The following LRRN1 variants were observed in gnomAD, a reference collection of about 807,000 sequenced individuals.
LRRN1 encodes the protein leucine rich repeat neuronal 1.
LRRN1 carries 14 observed loss-of-function variants against 45.8 expected under a neutral mutation model. That is an observed-to-expected ratio of 0.31 (90% CI 0.20 to 0.48). LRRN1 has a LOEUF of 0.48. Ranked by LOEUF, LRRN1 falls within the 20% of genes least tolerant of loss-of-function variation. The probability of loss-of-function intolerance (pLI) is 0.99; values close to 1 mark genes in which losing one functional copy is unlikely to be tolerated. For synonymous variants in LRRN1, 359 were observed against 330.1 expected (o/e 1.09, Z -0.95); for missense variants, 789 against 874.2 (o/e 0.90, Z 1.23).
chr3:3,838,924 T>C (rs775827004), intron 1 of LRRN1, among the ~76,000 whole-genome samples: 29 of 152,130 alleles, frequency 1.9e-4, no homozygotes, highest in Non-Finnish European at 2.8e-4. Flanking sequence ...ATCATATATA[T>C]AATTTAAAAA....
At chr3:3,822,802 G>C (rs536466903) in intron 1 of LRRN1, 1 of 152,240 alleles carries the variant, frequency 6.6e-6, no homozygotes, top group Non-Finnish European at 1.5e-5. Context: ...GTTGGATTTT[G>C]AAGGCAGCCA....
Position 3,845,538 on chromosome 3 carries a change from G to T in LRRN1, c.897G>T (p.Glu299Asp), listed in dbSNP as rs192472391. The stretch of plus-strand genomic sequence containing the variant: ...AACTGGGAATCAACAATATGGGCGA[G>T]CTCGTTTCTGTCGACCGCTATGCCC... Reference protein sequence around the residue: ...LKELGINNMGELVSVDRYALD... With the variant: ...LKELGINNMGDLVSVDRYALD... Residue 299 changes from glutamate (E) to aspartate (D), a missense_variant, in exon 2 of 2, where the codon GAG becomes GAT. Transcript: ENST00000319331. The surrounding 1 kb of genome is among the most constrained non-coding windows in gnomAD (Gnocchi z 6.5). 1.9e-6 allele frequency: 3 copies of T among 1,614,072 alleles called. No homozygotes were observed. Among genetic ancestry groups the T allele is most frequent in the Admixed American group, 1.7e-5 (1 of 60,006 alleles).
intron 1 of LRRN1, among the ~76,000 whole-genome samples, chr3:3,837,492 G>C (rs1415275555): frequency 6.6e-6 from 1 of 152,080 alleles, no homozygotes; most frequent in Admixed American, 6.6e-5. Flanking sequence ...CAGCCTGCTG[G>C]TTGGTCCATT....
chr3:3,842,415 T>C (rs1053518175), intron 1 of LRRN1, among the ~76,000 whole-genome samples: 3 of 151,952 alleles, frequency 2.0e-5, no homozygotes, highest in African/African-American at 7.3e-5. Context: ...TTTTTTTTTA[T>C]TGTTAGACCA....
At chr3:3,825,069 G>C (rs935339825) in intron 1 of LRRN1, among the ~76,000 whole-genome samples, 2 of 152,156 alleles carry the variant, frequency 1.3e-5, no homozygotes, top group African/African-American at 4.8e-5. Context: ...CACCCTTCCC[G>C]TCTGTCCCAA....
chr3:3,846,946 T>C lies in LRRN1; in HGVS notation c.*154T>C, dbSNP rs1218419737. 5 of 617,664 alleles carry C rather than the reference T, an allele frequency of 8.1e-6. No individual in the cohort carries two copies. The highest frequency in any genetic ancestry group is 1.4e-5 in the Non-Finnish European group (5 of 358,900). The allele number at this position is 617,664 out of a possible 1,614,324, so 38.3% of individuals were successfully genotyped here. A position where few individuals can be genotyped will look rare whatever the true frequency, so the allele number is the denominator to read the frequency against. ...GTGGATATTTCAAATTTTTTTAGTA[T>C]AGCGTATCGCAAGGGTTTGACACGG... On this transcript the variant is annotated 3_prime_UTR_variant, in exon 2 of 2. Transcript: ENST00000319331. This position sits in a 1 kb window ranked among gnomAD's most constrained non-coding sequence, Gnocchi z 5.7.
chr3:3,806,832 T>C (rs1692772029), intron 1 of LRRN1, among the ~76,000 whole-genome samples: 1 of 152,226 alleles, frequency 6.6e-6, no homozygotes, highest in Non-Finnish European at 1.5e-5. Flanking sequence ...ATTGTGACTG[T>C]GGACAAGTCA....
intron 1 of LRRN1, among the ~76,000 whole-genome samples, chr3:3,840,426 C>T (rs896797487): frequency 1.3e-5 from 2 of 152,138 alleles, no homozygotes; most frequent in African/African-American, 4.8e-5. Flanking sequence ...AATGGATTTA[C>T]ATTTAAACAC....
chr3:3,813,712 C>T (rs972135576), intron 1 of LRRN1, among the ~76,000 whole-genome samples: 4 of 152,060 alleles, frequency 2.6e-5, no homozygotes, highest in Non-Finnish European at 5.9e-5. Context: ...CCAACATCAC[C>T]GAAGGAGCAA....
intron 1 of LRRN1, among the ~76,000 whole-genome samples, chr3:3,821,453 A>G (rs1005983026): frequency 1.3e-5 from 2 of 151,694 alleles, no homozygotes; most frequent in African/African-American, 4.8e-5. Context: ...TTTGACATGT[A>G]CCTTTTCTTT....
intron 1 of LRRN1, among the ~76,000 whole-genome samples, chr3:3,824,598 A>T (rs1052502218): frequency 6.6e-6 from 1 of 152,100 alleles, no homozygotes; most frequent in Non-Finnish European, 1.5e-5. Context: ...ACAACCCCCA[A>T]CCTACCTAAG....
At chr3:3,817,166 C>G (rs1693004798) in intron 1 of LRRN1, among the ~76,000 whole-genome samples, 1 of 152,160 alleles carries the variant, frequency 6.6e-6, no homozygotes, top group African/African-American at 2.4e-5. Context: ...TCTTTGGCCA[C>G]TTCCTTAAAG....
intron 1 of LRRN1, among the ~76,000 whole-genome samples, chr3:3,820,688 A>G (rs1355841933): frequency 6.6e-6 from 1 of 152,228 alleles, no homozygotes; most frequent in Non-Finnish European, 1.5e-5. Context: ...TCGCAGGTAT[A>G]GCGAGAGAAA....
At chr3:3,803,079 T>G (rs1169418509) in intron 1 of LRRN1, among the ~76,000 whole-genome samples, 1 of 152,222 alleles carries the variant, frequency 6.6e-6, no homozygotes, top group Non-Finnish European at 1.5e-5. Context: ...TAACCTCAGC[T>G]AGCTCTGGTT....
At position 3,848,515 on chromosome 3, in the gene LRRN1, A is replaced by G. The variant is rs952890672; in HGVS notation, c.*1723A>G. On this transcript the variant is annotated 3_prime_UTR_variant, in exon 2 of 2. Coordinates refer to ENST00000319331, the MANE Select transcript of LRRN1 (RefSeq NM_020873.7). ...GGCAGAAAGAAAGTCCAGGTGATGT[A>G]GGTTGAGGTATTTCTTTCTTTGGCA... Among the ~76,000 whole-genome samples the G allele has an allele frequency of 5.3e-5, 8 of 152,220 alleles. No homozygotes were observed. In the South Asian group the frequency reaches 1.4e-3, roughly 28 times the overall value.
Position 3,845,025 on chromosome 3 carries a change from A to G in LRRN1, c.384A>G (p.Glu128=), listed in dbSNP as rs1426019378. ...LTQLTTLHLE[E]NQITEMTDYC... is the part of the protein sequence containing the mutation. ...AGCTCACAACGCTGCATTTGGAGGA[A>G]AATCAGATTACCGAGATGACTGATT... The change falls in exon 2 of 2, where the codon GAA becomes GAG. Residue 128 remains glutamate, a synonymous_variant. Coordinates refer to ENST00000319331, the MANE Select transcript of LRRN1 (RefSeq NM_020873.7). This position sits in a 1 kb window ranked among gnomAD's most constrained non-coding sequence, Gnocchi z 6.5. The G allele has an allele frequency of 6.2e-7, 1 of 1,614,060 alleles. No individual in the cohort carries two copies. Among genetic ancestry groups the G allele is most frequent in the East Asian group, 2.2e-5 (1 of 44,874 alleles).
chr3:3,844,447 A>G lies in LRRN1; in HGVS notation c.-195A>G. ...CCTGGAATTGAGAGACACAGTTAAAAGACTCCAAGTTGCTTTCTGCCTTTT... is the reference window on the plus strand; with the variant it reads ...CCTGGAATTGAGAGACACAGTTAAAGGACTCCAAGTTGCTTTCTGCCTTTT... On this transcript the variant is annotated 5_prime_UTR_variant, in exon 2 of 2. Transcript: ENST00000319331. 1 of 557,172 alleles carries G rather than the reference A, an allele frequency of 1.8e-6. No homozygotes were observed. The allele number at this position is 557,172 out of a possible 1,614,324, so 34.5% of individuals were successfully genotyped here. A position where few individuals can be genotyped will look rare whatever the true frequency, so the allele number is the denominator to read the frequency against.
At chr3:3,808,391 C>T (rs187252057) in intron 1 of LRRN1, among the ~76,000 whole-genome samples, 3 of 152,198 alleles carry the variant, frequency 2.0e-5, no homozygotes, top group South Asian at 2.1e-4. Flanking sequence ...TAAGGCAGAC[C>T]GCAACTAAGT....
At chr3:3,836,241 T>C (rs1314824982) in intron 1 of LRRN1, among the ~76,000 whole-genome samples, 4 of 152,248 alleles carry the variant, frequency 2.6e-5, no homozygotes, top group Non-Finnish European at 5.9e-5. Flanking sequence ...CTCTCAATTT[T>C]AAGTGTACAG....
Sources: gnomAD v4.1 joint callset for allele counts (sites outside exome capture counted in the v4.1 genomes callset) on GRCh38, gnomAD v4.1.1 for gene constraint, Gnocchi (gnomAD v3.1) non-coding constraint, MANE v1.5 for transcripts, NCBI Gene and HGNC (gene_info 2026-07-23, HGNC 2026-07-21) for gene names.